The following PHTF2 variants were observed in gnomAD, a reference collection of about 807,000 sequenced individuals.
The protein encoded by PHTF2 is protein PHTF2.
Under a neutral mutation model 101.2 loss-of-function variants are expected in PHTF2, and 60 were observed. The observed-to-expected ratio is 0.59, with a 90% CI of 0.48 to 0.73. The LOEUF is 0.73. Among genes scored for constraint, PHTF2 ranks in the 30% least tolerant of loss-of-function variants. The pLI is 0.00. For missense variants in PHTF2, 747 were observed against 908.7 expected (o/e 0.82, Z 2.29); for synonymous variants, 311 against 307.3 (o/e 1.01, Z -0.13).
intron 16 of PHTF2, among the ~76,000 whole-genome samples, chr7:77,945,460 C>A (rs940182956): frequency 6.8e-6 from 1 of 147,736 alleles, no homozygotes; most frequent in African/African-American, 2.4e-5. Flanking sequence ...TAAAACTTTC[C>A]CATGTATTAG....
At chr7:77,942,325 G>A (rs548145213) in intron 15 of PHTF2, among the ~76,000 whole-genome samples, 1 of 152,140 alleles carries the variant, frequency 6.6e-6, no homozygotes, top group African/African-American at 2.4e-5. Context: ...CCTAGTTCCT[G>A]TGAAGGTAGA....
intron 10 of PHTF2, 84 bp from the exon 10 acceptor site, chr7:77,922,539 T>G: frequency 9.7e-7 from 1 of 1,028,092 alleles, no homozygotes; most frequent in South Asian, 1.8e-5. Context: ...TATATATGTA[T>G]GTGTAATTTC....
At position 77,851,011 on chromosome 7, in the gene PHTF2, C is replaced by T. The variant is rs193074415; in HGVS notation, c.46-3722C>T. Among the ~76,000 whole-genome samples, 822 of 152,158 alleles carry T rather than the reference C, an allele frequency of 5.4e-3. 7 individuals are homozygous for T. The highest frequency in any genetic ancestry group is 7.9e-3 in the Non-Finnish European group (539 of 68,004). On this transcript the variant is annotated intron_variant, in intron 2 of 19. Coordinates refer to ENST00000416283, the Ensembl canonical transcript of PHTF2. ...GATCTTTTTAATGTGTTATTGTATT[C>T]GGTTTGCTATTGTGTTGAGGATTTT...
chr7:77,884,475 A>G (rs990316318), intron 3 of PHTF2, among the ~76,000 whole-genome samples: 3 of 152,152 alleles, frequency 2.0e-5, no homozygotes, highest in Non-Finnish European at 2.9e-5. Context: ...CTTATAAGTG[A>G]GAACTTATGG....
intron 7 of PHTF2, among the ~76,000 whole-genome samples, chr7:77,902,273 C>A (rs1488517322): frequency 6.6e-6 from 1 of 152,082 alleles, no homozygotes; most frequent in African/African-American, 2.4e-5. Flanking sequence ...GGTATAGTTT[C>A]TTTTTTCTGT....
chr7:77,849,304 A>T (rs540719268), intron 2 of PHTF2, among the ~76,000 whole-genome samples: 56 of 150,556 alleles, frequency 3.7e-4, no homozygotes, highest in South Asian at 2.1e-3. Context: ...ATATATATAT[A>T]TATTTATTTA....
At chr7:77,828,284 C>T (rs989917560) in intron 1 of PHTF2, among the ~76,000 whole-genome samples, 12 of 152,126 alleles carry the variant, frequency 7.9e-5, no homozygotes, top group African/African-American at 2.9e-4. Flanking sequence ...AAAGCCAATA[C>T]ATTATAATTA....
At chr7:77,914,777 C>T (rs1006187048) in intron 9 of PHTF2, among the ~76,000 whole-genome samples, 1 of 152,114 alleles carries the variant, frequency 6.6e-6, no homozygotes, top group Non-Finnish European at 1.5e-5. Flanking sequence ...AGAAATTTGA[C>T]ATTTTCTGGT....
intron 1 of PHTF2, among the ~76,000 whole-genome samples, chr7:77,837,578 A>G (rs1795566201): frequency 6.6e-6 from 1 of 152,186 alleles, no homozygotes; most frequent in South Asian, 2.1e-4. Flanking sequence ...TACTGAAGAA[A>G]GGTTTTTTTA....
At chr7:77,845,464 A>C (rs1233942312) in intron 2 of PHTF2, among the ~76,000 whole-genome samples, 1 of 152,220 alleles carries the variant, frequency 6.6e-6, no homozygotes, top group Non-Finnish European at 1.5e-5. Context: ...GAGAAAACTA[A>C]TGAATATGTT....
intron 9 of PHTF2, among the ~76,000 whole-genome samples, chr7:77,918,231 A>G (rs1014699826): frequency 2.6e-5 from 4 of 151,892 alleles, no homozygotes; most frequent in African/African-American, 9.7e-5. Context: ...CTTTTTTTTA[A>G]CCCTATAGAG....
chr7:77,939,087 A>G (rs974525390), intron 13 of PHTF2, among the ~76,000 whole-genome samples: 3 of 152,164 alleles, frequency 2.0e-5, no homozygotes, highest in Non-Finnish European at 4.4e-5. Context: ...TTTATCTAAT[A>G]TATATTATAA....
chr7:77,896,957 G>A (rs1442859432), intron 5 of PHTF2, among the ~76,000 whole-genome samples: 3 of 152,148 alleles, frequency 2.0e-5, no homozygotes, highest in Admixed American at 2.0e-4. Flanking sequence ...TATTGCTAAA[G>A]CGTAAAACCT....
chr7:77,954,699 G>A (rs1806881168), intron 19 of PHTF2, among the ~76,000 whole-genome samples, 159 bp from the exon 19 acceptor site: 1 of 147,106 alleles, frequency 6.8e-6, no homozygotes, highest in African/African-American at 2.5e-5. Flanking sequence ...TTTTGTTTGT[G>A]TTTAAGGTGA....
intron 3 of PHTF2, among the ~76,000 whole-genome samples, chr7:77,859,361 A>G (rs10215453): frequency 0.25 from 37,352 of 152,080 alleles, 4,713 homozygotes; most frequent in South Asian, 0.29. Context: ...GGAGATGTGT[A>G]GCTTTATTTC....
At chr7:77,882,260 A>G (rs879683275) in intron 3 of PHTF2, among the ~76,000 whole-genome samples, 2 of 152,194 alleles carry the variant, frequency 1.3e-5, no homozygotes, top group Non-Finnish European at 2.9e-5. Flanking sequence ...GTTTTGATCC[A>G]AATGGCTAGC....
Position 77,831,508 on chromosome 7 carries a change from G to A in PHTF2, c.-35-8713G>A, listed in dbSNP as rs79393653. On this transcript the variant is annotated intron_variant, in intron 1 of 19. Coordinates refer to ENST00000416283, the Ensembl canonical transcript of PHTF2. ...AAATAGAGGATATTGAGGCACAATT[G>A]TTAGGATTAATGAGTCACCATGGTG... is the stretch of plus-strand genomic sequence containing the variant. Among the ~76,000 whole-genome samples the A allele has an allele frequency of 1.5e-4, 23 of 152,306 alleles. 1 individual carries two copies. In the East Asian group the frequency reaches 3.9e-3, roughly 26 times the overall value.
At chr7:77,861,596 A>G (rs1797648710) in intron 3 of PHTF2, among the ~76,000 whole-genome samples, 1 of 152,146 alleles carries the variant, frequency 6.6e-6, no homozygotes, top group South Asian at 2.1e-4. Context: ...GTTTAGCCTT[A>G]TCTTGATTTG....
At chr7:77,823,497 G>C (rs554567524) in intron 1 of PHTF2, among the ~76,000 whole-genome samples, 41 of 152,358 alleles carry the variant, frequency 2.7e-4, no homozygotes, top group African/African-American at 9.1e-4. Flanking sequence ...GGGATTACAG[G>C]CCTGAGCCAC....
Sources: allele counts gnomAD v4.1 joint callset (sites outside exome capture counted in the v4.1 genomes callset), GRCh38; gene constraint gnomAD v4.1.1; transcripts MANE v1.5; gene names NCBI Gene and HGNC (gene_info 2026-07-23, HGNC 2026-07-21).